Variants in ZNF618 observed in about 807,000 individuals in gnomAD.
The protein encoded by ZNF618 is zinc finger protein 618.
A neutral mutation model predicts 103.0 loss-of-function variants in ZNF618; 34 were observed. That is an observed-to-expected ratio of 0.33 (90% CI 0.25 to 0.44). The LOEUF (loss-of-function observed/expected upper bound fraction) is 0.44, where lower values mean the gene tolerates loss of function less well. ZNF618 is among the 20% of genes least tolerant of loss of function. ZNF618 has a pLI of 1.00. For synonymous variants in ZNF618, 551 were observed against 542.2 expected (o/e 1.02, Z -0.23); for missense variants, 1,059 against 1,295.4 (o/e 0.82, Z 2.80).
At chr9:114,047,253 G>A (rs556422545) in intron 13 of ZNF618, among the ~76,000 whole-genome samples, 5 of 152,326 alleles carry the variant, frequency 3.3e-5, no homozygotes, top group African/African-American at 9.6e-5. Flanking sequence ...CAGGAACTGG[G>A]AACCTGGGAT....
intron 1 of ZNF618, among the ~76,000 whole-genome samples, chr9:113,948,920 T>C (rs1424676680): frequency 6.6e-6 from 1 of 152,252 alleles, no homozygotes; most frequent in Non-Finnish European, 1.5e-5. Context: ...CTTTGCTGCA[T>C]TTTGAAACTG....
At chr9:113,995,356 AGTAAAT>A (rs1275122979) in intron 3 of ZNF618, among the ~76,000 whole-genome samples, 3 of 152,170 alleles carry the variant, frequency 2.0e-5, no homozygotes, top group African/African-American at 7.2e-5. Context: ...TTAGGTAAAT[AGTAAAT>A]GTAAAAGTAA....
chr9:113,883,959 T>G (rs961600508), intron 1 of ZNF618, among the ~76,000 whole-genome samples: 2 of 127,676 alleles, frequency 1.6e-5, no homozygotes, highest in African/African-American at 5.9e-5. Flanking sequence ...ATGCTCTGTT[T>G]ACCTCACTTT....
intron 4 of ZNF618, among the ~76,000 whole-genome samples, chr9:113,999,357 T>A (rs1222981916): frequency 1.3e-5 from 2 of 150,484 alleles, no homozygotes; most frequent in Non-Finnish European, 3.0e-5. Flanking sequence ...CCCTGGGCTT[T>A]AGGCTGAGCG....
At chr9:113,903,165 T>C (rs1005506662) in intron 1 of ZNF618, among the ~76,000 whole-genome samples, 7 of 152,200 alleles carry the variant, frequency 4.6e-5, no homozygotes, top group Non-Finnish European at 1.0e-4. Flanking sequence ...AGGACCTCTT[T>C]TGGTTTTTCA....
intron 10 of ZNF618, among the ~76,000 whole-genome samples, chr9:114,024,097 T>C (rs931358669): frequency 6.6e-6 from 1 of 152,212 alleles, no homozygotes; most frequent in African/African-American, 2.4e-5. Context: ...TACAGATAAC[T>C]GAAGCTCTGT....
At chr9:113,891,131 G>A (rs1474478311) in intron 1 of ZNF618, among the ~76,000 whole-genome samples, 1 of 152,034 alleles carries the variant, frequency 6.6e-6, no homozygotes, top group East Asian at 1.9e-4. Flanking sequence ...TGTGTGTTTT[G>A]GATTCTTCGT....
At chr9:114,020,818 C>T (rs1197276838) in intron 10 of ZNF618, among the ~76,000 whole-genome samples, 1 of 151,680 alleles carries the variant, frequency 6.6e-6, no homozygotes, top group African/African-American at 2.4e-5. Context: ...CTGGTTAGGT[C>T]CCTCCAGTAC....
chr9:113,965,762 T>C (rs931684022), intron 1 of ZNF618, among the ~76,000 whole-genome samples: 1 of 152,154 alleles, frequency 6.6e-6, no homozygotes, highest in East Asian at 1.9e-4. Flanking sequence ...AGCTACATCC[T>C]TAAGGAGCAC....
At chr9:113,913,091 G>A (rs1367955496) in intron 1 of ZNF618, among the ~76,000 whole-genome samples, 2 of 152,116 alleles carry the variant, frequency 1.3e-5, no homozygotes, top group Non-Finnish European at 2.9e-5. Flanking sequence ...AAACGGGAGA[G>A]TGAGCAGAGT....
At chr9:113,920,762 A>T (rs897072994) in intron 1 of ZNF618, among the ~76,000 whole-genome samples, 2 of 152,222 alleles carry the variant, frequency 1.3e-5, no homozygotes, top group African/African-American at 4.8e-5. Context: ...AAATGAAAGA[A>T]TGGATATGAA....
chr9:113,959,923 A>C (rs1041504480), intron 1 of ZNF618, among the ~76,000 whole-genome samples: 1 of 152,218 alleles, frequency 6.6e-6, no homozygotes, highest in South Asian at 2.1e-4. Context: ...TCTCCTTTAA[A>C]CGTCGTGACT....
rs941898633 is a variant in ZNF618 at position 114,002,744 on chromosome 9, C to G, written c.550+82C>G. The G allele has an allele frequency of 9.3e-6, 14 of 1,497,868 alleles. No individual in the cohort carries two copies. In the South Asian group the frequency reaches 1.2e-4, roughly 13 times the overall value. The allele number at this position is 1,497,868 out of a possible 1,614,324, so 92.8% of individuals were successfully genotyped here. On this transcript the variant is annotated intron_variant, in intron 6 of 14. Transcript: ENST00000374126. ...AAGAGGAGCTGCTTGTCCCCTCCCC[C>G]AGAACTGCTCCAGGTGGCCTCTGAG...
chr9:113,994,063 T>G (rs1840331582), intron 3 of ZNF618, among the ~76,000 whole-genome samples: 1 of 152,142 alleles, frequency 6.6e-6, no homozygotes, highest in Admixed American at 6.5e-5. Flanking sequence ...GAGACTGGAT[T>G]CTGCAAGGAT....
chr9:114,038,528 C>G (rs915651915), intron 13 of ZNF618, among the ~76,000 whole-genome samples: 8 of 152,238 alleles, frequency 5.3e-5, no homozygotes, highest in African/African-American at 1.7e-4. Context: ...GCGCAGTTCA[C>G]AGCGCCGACG....
intron 6 of ZNF618, among the ~76,000 whole-genome samples, chr9:114,006,790 G>T (rs557837379): frequency 6.6e-6 from 1 of 152,238 alleles, no homozygotes; most frequent in Non-Finnish European, 1.5e-5. Flanking sequence ...TCACTCATGT[G>T]GTTGCTAGCA....
chr9:114,011,924 A>G (rs977004054), intron 9 of ZNF618, among the ~76,000 whole-genome samples: 1 of 152,208 alleles, frequency 6.6e-6, no homozygotes, highest in African/African-American at 2.4e-5. Flanking sequence ...GAATCAAGGA[A>G]AACTCATTTG....
intron 1 of ZNF618, among the ~76,000 whole-genome samples, chr9:113,910,156 G>A (rs1313460124): frequency 2.0e-5 from 3 of 152,026 alleles, no homozygotes; most frequent in African/African-American, 7.2e-5. Context: ...GGCTCTCCTA[G>A]ATACACCTTG....
intron 1 of ZNF618, among the ~76,000 whole-genome samples, chr9:113,902,134 G>T (rs923886392): frequency 1.3e-5 from 2 of 152,050 alleles, no homozygotes; most frequent in Non-Finnish European, 2.9e-5. Flanking sequence ...TGCAGACACC[G>T]GAGTTCGCCA....
Sources: allele counts gnomAD v4.1 joint callset (sites outside exome capture counted in the v4.1 genomes callset), GRCh38; gene constraint gnomAD v4.1.1; transcripts MANE v1.5; gene names NCBI Gene and HGNC (gene_info 2026-07-23, HGNC 2026-07-21).